The following MARCHF1 variants were observed in gnomAD, a reference collection of about 807,000 sequenced individuals.
MARCHF1 encodes the protein E3 ubiquitin-protein ligase MARCHF1.
MARCHF1 carries 40 observed loss-of-function variants against 54.2 expected under a neutral mutation model. The observed-to-expected ratio is 0.74, with a 90% CI of 0.57 to 0.96. MARCHF1 has a LOEUF of 0.96. Ranked by LOEUF, MARCHF1 falls within the 40% of genes least tolerant of loss-of-function variation. MARCHF1 has a pLI of 0.00. For synonymous variants in MARCHF1, 236 were observed against 236.3 expected, an observed-to-expected ratio of 1.00 and a Z score of 0.01; for missense variants, 586 against 656.5, an observed-to-expected ratio of 0.89 and a Z score of 1.17.
intron 5 of MARCHF1, among the ~76,000 whole-genome samples, chr4:163,651,142 A>G (rs1299756315): frequency 6.6e-6 from 1 of 151,932 alleles, no homozygotes; most frequent in Non-Finnish European, 1.5e-5. Flanking sequence ...GAATAAATGG[A>G]CAAATGAATG....
intron 4 of MARCHF1, among the ~76,000 whole-genome samples, chr4:163,845,020 A>C (rs1579334183): frequency 6.6e-6 from 1 of 152,258 alleles, no homozygotes; most frequent in East Asian, 1.9e-4. Flanking sequence ...CTGTTCCACC[A>C]CTTTTCTAAT....
At chr4:164,227,816 T>C (rs1242881644) in intron 1 of MARCHF1, among the ~76,000 whole-genome samples, 1 of 152,132 alleles carries the variant, frequency 6.6e-6, no homozygotes, top group Non-Finnish European at 1.5e-5. Flanking sequence ...TTGTGATGAA[T>C]TGTAGAGGCA....
intron 2 of MARCHF1, among the ~76,000 whole-genome samples, chr4:164,068,031 C>A (rs1835506): frequency 0.49 from 74,367 of 152,052 alleles, 19,473 homozygotes; most frequent in Non-Finnish European, 0.59. Context: ...TACCATCTCA[C>A]ACCAGTCAGA....
At chr4:163,959,423 G>A (rs930059474) in intron 3 of MARCHF1, among the ~76,000 whole-genome samples, 1 of 151,300 alleles carries the variant, frequency 6.6e-6, no homozygotes, top group Non-Finnish European at 1.5e-5. Flanking sequence ...TATACTACAG[G>A]GCTACAGTAA....
At chr4:163,645,735 G>C (rs1240301885) in intron 5 of MARCHF1, among the ~76,000 whole-genome samples, 2 of 152,072 alleles carry the variant, frequency 1.3e-5, no homozygotes, top group African/African-American at 2.4e-5. Flanking sequence ...CTCAATCATG[G>C]AGAAGAAAGA....
chr4:163,651,525 C>A (rs1195498869), intron 5 of MARCHF1, among the ~76,000 whole-genome samples: 1 of 131,042 alleles, frequency 7.6e-6, no homozygotes, highest in Non-Finnish European at 1.7e-5. Flanking sequence ...AAGTACCATA[C>A]TTTTTTTTTT....
intron 1 of MARCHF1, among the ~76,000 whole-genome samples, chr4:164,247,872 G>A (rs1333490894): frequency 2.7e-5 from 4 of 149,746 alleles, no homozygotes; most frequent in Admixed American, 6.7e-5. Flanking sequence ...AAATTTCAAG[G>A]GAGCAGAATT....
intron 4 of MARCHF1, among the ~76,000 whole-genome samples, chr4:163,814,442 T>C (rs908454157): frequency 3.3e-5 from 5 of 152,066 alleles, no homozygotes; most frequent in Non-Finnish European, 5.9e-5. Context: ...TAGCCGGTTG[T>C]GTGTGGTGGC....
intron 1 of MARCHF1, among the ~76,000 whole-genome samples, chr4:164,325,810 T>G (rs186873386): frequency 1.5e-4 from 23 of 152,196 alleles, no homozygotes; most frequent in Middle Eastern, 6.8e-3. Context: ...CATTTCACCA[T>G]GTTAAAATTT....
At chr4:164,001,184 T>C (rs1261713116) in intron 2 of MARCHF1, among the ~76,000 whole-genome samples, 1 of 151,774 alleles carries the variant, frequency 6.6e-6, no homozygotes, top group African/African-American at 2.4e-5. Flanking sequence ...TCGAAAACCA[T>C]TTGCTGTTAG....
At chr4:164,289,508 G>T (rs1021165664) in intron 1 of MARCHF1, among the ~76,000 whole-genome samples, 9 of 150,266 alleles carry the variant, frequency 6.0e-5, no homozygotes, top group Admixed American at 5.4e-4. Context: ...TATTGATGCA[G>T]CCACTTTTCT....
intron 4 of MARCHF1, among the ~76,000 whole-genome samples, chr4:163,810,797 T>C (rs906331486): frequency 4.0e-5 from 6 of 151,890 alleles, no homozygotes; most frequent in Non-Finnish European, 7.4e-5. Flanking sequence ...TTAACAAGAA[T>C]TTTAATGTAA....
rs70952617 is a variant in MARCHF1, at chr4:164,274,659, CTTTTTTTTTT to C, written c.-323+109201_-323+109210del. 7.3e-3 allele frequency among the ~76,000 whole-genome samples: 328 copies of C among 44,652 alleles called. 26 individuals are homozygous for C. Among genetic ancestry groups the C allele is most frequent in the African/African-American group, 0.021 (276 of 13,412 alleles). 29.3% of individuals were successfully genotyped at this position (44,652 alleles called of 152,430 possible). ...CGCTTGATGTGTGCTTCAGGGTACA[CTTTTTTTTTT>C]TTTTTTTTTTTTTTTTTTTTTTTTT... On this transcript the variant is annotated intron_variant, in intron 1 of 9. Transcript: ENST00000514618.
intron 2 of MARCHF1, among the ~76,000 whole-genome samples, chr4:164,107,753 AAC>A (rs1174408131): frequency 6.6e-6 from 1 of 152,164 alleles, no homozygotes; most frequent in African/African-American, 2.4e-5. Context: ...GAAGTGCAGT[AAC>A]AGTATAAAAT....
At chr4:163,582,105 T>C (rs1447726403) in intron 8 of MARCHF1, among the ~76,000 whole-genome samples, 1 of 152,182 alleles carries the variant, frequency 6.6e-6, no homozygotes, top group South Asian at 2.1e-4. Flanking sequence ...CTGAACTCCA[T>C]GCAATTCTTC....
intron 3 of MARCHF1, among the ~76,000 whole-genome samples, chr4:163,869,812 G>C (rs563260809): frequency 3.3e-5 from 5 of 151,998 alleles, no homozygotes; most frequent in African/African-American, 7.2e-5. Context: ...ATAATAGTTT[G>C]ACCACATTTC....
intron 4 of MARCHF1, among the ~76,000 whole-genome samples, chr4:163,719,653 T>G (rs1282722522): frequency 4.0e-5 from 6 of 151,770 alleles, no homozygotes; most frequent in East Asian, 1.9e-4. Context: ...ACCAACAGTG[T>G]AAAAGTGTTC....
chr4:163,606,021 G>A (rs757884443), intron 7 of MARCHF1, among the ~76,000 whole-genome samples: 4 of 152,038 alleles, frequency 2.6e-5, no homozygotes, highest in African/African-American at 7.2e-5. Context: ...AAACCTGCAC[G>A]TTCTGCACAT....
rs1755094092 is a variant in MARCHF1 at position 164,081,229 on chromosome 4, A to AAAAAAG, written c.-248+30358_-248+30359insCTTTTT. On this transcript the variant is annotated intron_variant, in intron 2 of 9. Transcript: ENST00000514618. Reference sequence around the variant, plus strand: ...TCTCAAAAAAAAAAAAAAAAAAAAAAAAAAAAAAGAAATATTATTTGCATA... The same window carrying AAAAAAG: ...TCTCAAAAAAAAAAAAAAAAAAAAAAAAAAAGAAAAAAAAGAAATATTATTTGCATA... Among the ~76,000 whole-genome samples the AAAAAAG allele has an allele frequency of 1.4e-5, 2 of 146,906 alleles. 1 individual carries two copies. Among genetic ancestry groups the AAAAAAG allele is most frequent in the Admixed American group, 1.4e-4 (2 of 14,566 alleles).
Sources: gnomAD v4.1 joint callset for allele counts (sites outside exome capture counted in the v4.1 genomes callset) on GRCh38, gnomAD v4.1.1 for gene constraint, MANE v1.5 for transcripts, NCBI Gene and HGNC (gene_info 2026-07-23, HGNC 2026-07-21) for gene names.